Variants in RBFOX1 observed in about 807,000 individuals in gnomAD.
RBFOX1 encodes RNA binding protein fox-1 homolog 1.
In RBFOX1, 8 loss-of-function variants were observed where a neutral mutation model predicts 57.7. That is an observed-to-expected ratio of 0.14 (90% confidence interval 0.08 to 0.25). The LOEUF (loss-of-function observed/expected upper bound fraction) is 0.25. Ranked by LOEUF, RBFOX1 falls within the 10% of genes least tolerant of loss-of-function variation. RBFOX1 has a pLI of 1.00. For synonymous variants in RBFOX1, 326 were observed against 222.4 expected (o/e 1.47, Z -4.15); for missense variants, 611 against 548.5 (o/e 1.11, Z -1.14).
intron 3 of RBFOX1, among the ~76,000 whole-genome samples, chr16:5,741,007 A>C (rs555909403): frequency 6.6e-6 from 1 of 152,230 alleles, no homozygotes; most frequent in African/African-American, 2.4e-5. Flanking sequence ...GGTGGTAAAA[A>C]ATTAAAAAAT....
chr16:5,380,587 G>A (rs565659175), intron 1 of RBFOX1, among the ~76,000 whole-genome samples: 1 of 152,324 alleles, frequency 6.6e-6, no homozygotes, highest in Admixed American at 6.5e-5. Flanking sequence ...TGAAAGCATT[G>A]CTAATTCCCA....
At chr16:7,636,094 G>A (rs1263022536) in intron 11 of RBFOX1, among the ~76,000 whole-genome samples, 1 of 152,270 alleles carries the variant, frequency 6.6e-6, no homozygotes, top group Non-Finnish European at 1.5e-5. Context: ...GCAGGCATGA[G>A]CCACTGCGCC....
chr16:7,420,215 C>T (rs1367186992), intron 4 of RBFOX1, among the ~76,000 whole-genome samples: 1 of 152,060 alleles, frequency 6.6e-6, no homozygotes, highest in Admixed American at 6.6e-5. Context: ...ATGACCTATT[C>T]CGTAGAGTGT....
At chr16:7,707,322 T>G (rs796578609) in intron 14 of RBFOX1, among the ~76,000 whole-genome samples, 19 of 152,140 alleles carry the variant, frequency 1.2e-4, no homozygotes, top group African/African-American at 4.6e-4. Flanking sequence ...CTCCATGGTG[T>G]GAGGTGGTCA....
intron 4 of RBFOX1, among the ~76,000 whole-genome samples, chr16:7,230,352 C>G (rs1223154368): frequency 6.6e-6 from 1 of 152,118 alleles, no homozygotes; most frequent in Non-Finnish European, 1.5e-5. Flanking sequence ...GGGGCAGGGT[C>G]TGTTTTCTTG....
At chr16:7,046,593 T>C (rs1482624578) in intron 3 of RBFOX1, among the ~76,000 whole-genome samples, 1 of 146,210 alleles carries the variant, frequency 6.8e-6, no homozygotes, top group Non-Finnish European at 1.5e-5. Context: ...CTGTAGTCTT[T>C]GTGTTTTATC....
chr16:7,509,426 G>GTCTGTGTCTGTGTC (rs376355769), intron 4 of RBFOX1, among the ~76,000 whole-genome samples: 6 of 146,380 alleles, frequency 4.1e-5, no homozygotes, highest in African/African-American at 1.5e-4. Context: ...GTGTGTGTGT[G>GTCTGTGTCTGTGTC]TGTGTCTGTG....
Position 7,421,884 on chromosome 16 carries a change from AGTG to A in RBFOX1, c.28-96262_28-96260del, listed in dbSNP as rs144562473. Among the ~76,000 whole-genome samples, 985 of 152,358 alleles carry A rather than the reference AGTG, an allele frequency of 6.5e-3. 12 individuals are homozygous for A. The highest frequency in any genetic ancestry group is 0.021 in the African/African-American group (882 of 41,584). On this transcript the variant is annotated intron_variant, in intron 4 of 15. Coordinates refer to ENST00000550418, the MANE Select transcript of RBFOX1 (RefSeq NM_018723.4). ...ATTTCTTCAGCCTTTTTGAAGGAGA[AGTG>A]AGCCCTTAAAAGTCATTTTCGGGTA...
chr16:6,210,317 G>GAAAAAAAAAAAAA (rs796379157), intron 1 of RBFOX1, among the ~76,000 whole-genome samples: 1 of 14,420 alleles, frequency 6.9e-5, no homozygotes, highest in African/African-American at 2.0e-4. Flanking sequence ...AATTCTGTCT[G>GAAAAAAAAAAAAA]AAAAAAAAAA....
intron 4 of RBFOX1, among the ~76,000 whole-genome samples, chr16:5,888,116 C>T (rs949759368): frequency 9.9e-5 from 15 of 152,182 alleles, no homozygotes; most frequent in Non-Finnish European, 2.1e-4. Context: ...GACCACTTTC[C>T]ACTTGCTCAT....
intron 3 of RBFOX1, among the ~76,000 whole-genome samples, chr16:6,978,953 C>A (rs2087874129): frequency 6.6e-6 from 1 of 152,184 alleles, no homozygotes; most frequent in African/African-American, 2.4e-5. Context: ...TGGTGGAGAG[C>A]CCCAGGCTGC....
chr16:6,869,104 A>G (rs1404000595), intron 3 of RBFOX1, among the ~76,000 whole-genome samples: 2 of 152,186 alleles, frequency 1.3e-5, no homozygotes, highest in Non-Finnish European at 2.9e-5. Context: ...GCTGTTTATT[A>G]CAGCAGCATT....
intron 10 of RBFOX1, among the ~76,000 whole-genome samples, chr16:7,610,160 C>T (rs2057193599): frequency 1.1e-5 from 1 of 95,134 alleles, no homozygotes; most frequent in South Asian, 3.5e-4. Flanking sequence ...TGCTCTGTTG[C>T]CCAGGCTGGA....
At chr16:6,703,192 G>A (rs1266436934) in intron 3 of RBFOX1, among the ~76,000 whole-genome samples, 2 of 152,094 alleles carry the variant, frequency 1.3e-5, no homozygotes, top group Non-Finnish European at 2.9e-5. Flanking sequence ...CATTTGGGTT[G>A]TTTCCACCTG....
chr16:7,133,035 A>T lies in RBFOX1; in HGVS notation c.27+80937A>T, dbSNP rs532151633. ...TAAATAAATAACCAGAAAATAAATC[A>T]TGTGCCTTGGTATTTTCTTGCGTTT... On this transcript the variant is annotated intron_variant, in intron 4 of 15. Transcript: ENST00000550418. Among the ~76,000 whole-genome samples, 4 of 152,254 alleles carry T rather than the reference A, an allele frequency of 2.6e-5. No homozygotes were observed. In the East Asian group the frequency reaches 5.8e-4, roughly 22 times the overall value.
chr16:6,576,398 A>G (rs2097436933), intron 2 of RBFOX1, among the ~76,000 whole-genome samples: 1 of 152,234 alleles, frequency 6.6e-6, no homozygotes, highest in Non-Finnish European at 1.5e-5. Context: ...AGAAGATGCC[A>G]ACTCCACATA....
At chr16:6,450,102 G>C (rs931932351) in intron 2 of RBFOX1, among the ~76,000 whole-genome samples, 8 of 152,118 alleles carry the variant, frequency 5.3e-5, no homozygotes, top group Non-Finnish European at 1.2e-4. Context: ...GGAGGTGGTG[G>C]GGATATGTAC....
Position 7,496,617 on chromosome 16 carries a change from C to T in RBFOX1, c.28-21530C>T, listed in dbSNP as rs987756170. ...AAGTGTGTGTTCAAGTACTTGTCCA[C>T]ATTCAGTGGTCATAGCAAGGCCTCA... On this transcript the variant is annotated intron_variant, in intron 4 of 15. Coordinates refer to ENST00000550418, the MANE Select transcript of RBFOX1 (RefSeq NM_018723.4). Among the ~76,000 whole-genome samples the T allele has an allele frequency of 2.6e-5, 4 of 151,912 alleles. No homozygotes were observed. The East Asian group carries it at 5.8e-4, about 22-fold the overall frequency.
intron 3 of RBFOX1, among the ~76,000 whole-genome samples, chr16:7,015,268 T>C (rs1177216551): frequency 6.6e-6 from 1 of 152,176 alleles, no homozygotes; most frequent in African/African-American, 2.4e-5. Flanking sequence ...GCATATGGCC[T>C]GGGACTGCAA....
Sources: allele counts gnomAD v4.1 joint callset (sites outside exome capture counted in the v4.1 genomes callset), GRCh38; gene constraint gnomAD v4.1.1; transcripts MANE v1.5; gene names NCBI Gene and HGNC (gene_info 2026-07-23, HGNC 2026-07-21).